The following MACROH2A2 variants were observed in gnomAD, a reference collection of about 807,000 sequenced individuals.
MACROH2A2 encodes core histone macro-H2A.2.
In MACROH2A2, 6 loss-of-function variants were observed where a neutral mutation model predicts 37.6. The observed-to-expected ratio is 0.16, with a 90% CI of 0.09 to 0.32. The LOEUF (loss-of-function observed/expected upper bound fraction) is 0.32, where lower values mean the gene tolerates loss of function less well. Ranked by LOEUF, MACROH2A2 falls within the 10% of genes least tolerant of loss-of-function variation. The pLI is 1.00. For synonymous variants in MACROH2A2, 192 were observed against 202.7 expected, an observed-to-expected ratio of 0.95 and a Z score of 0.45; for missense variants, 290 against 485.9, an observed-to-expected ratio of 0.60 and a Z score of 3.79.
intron 1 of MACROH2A2, among the ~76,000 whole-genome samples, chr10:70,068,379 T>G (rs540997165): frequency 1.3e-5 from 2 of 152,340 alleles, no homozygotes; most frequent in East Asian, 3.9e-4. Flanking sequence ...AACAACTTAA[T>G]AAGTATTCAT....
At chr10:70,082,241 G>A (rs551911953) in intron 2 of MACROH2A2, among the ~76,000 whole-genome samples, 2 of 152,200 alleles carry the variant, frequency 1.3e-5, no homozygotes, top group African/African-American at 2.4e-5. Flanking sequence ...CCAACATGGA[G>A]AAACCCCGTC....
chr10:70,053,504 C>T lies in MACROH2A2; in HGVS notation c.-60+504C>T, dbSNP rs2071989201. Among the ~76,000 whole-genome samples, 3 of 151,744 alleles carry T rather than the reference C, an allele frequency of 2.0e-5. No homozygotes were observed. The highest frequency in any genetic ancestry group is 4.8e-5 in the African/African-American group (2 of 41,428). On this transcript the variant is annotated intron_variant, in intron 1 of 8. Coordinates refer to ENST00000373255, the MANE Select transcript of MACROH2A2 (RefSeq NM_018649.3). This position sits in a 1 kb window ranked among gnomAD's most constrained non-coding sequence, Gnocchi z 4.8. ...TGAAGGTGCCCGGGCAGGGCGCCGG[C>T]GGCTCCAGGCTGACAATGGAGGGGG...
chr10:70,081,814 T>C (rs2072178295), intron 2 of MACROH2A2, among the ~76,000 whole-genome samples: 1 of 152,168 alleles, frequency 6.6e-6, no homozygotes, highest in Non-Finnish European at 1.5e-5. Flanking sequence ...AAAAATAATT[T>C]AATTGTACAT....
In MACROH2A2 at chr10:70,054,456, G is replaced by A. The variant is rs567461842; in HGVS notation, c.-60+1456G>A. Among the ~76,000 whole-genome samples the A allele has an allele frequency of 3.3e-5, 5 of 152,298 alleles. No individual in the cohort carries two copies. In the South Asian group the frequency reaches 8.3e-4, roughly 25 times the overall value. ...GCCCCACAGACCCCAGGATCCCCTA[G>A]GGGCCATTAGTCCACCGCGGCAAAT... On this transcript the variant is annotated intron_variant, in intron 1 of 8. Coordinates refer to ENST00000373255, the MANE Select transcript of MACROH2A2 (RefSeq NM_018649.3).
intron 1 of MACROH2A2, among the ~76,000 whole-genome samples, chr10:70,055,309 A>G (rs1226941557): frequency 2.0e-5 from 3 of 152,244 alleles, no homozygotes; most frequent in Non-Finnish European, 4.4e-5. Flanking sequence ...AGTTAGATGC[A>G]GTCTTGGTAA....
intron 2 of MACROH2A2, among the ~76,000 whole-genome samples, chr10:70,080,561 C>T (rs2072170129): frequency 6.6e-6 from 1 of 151,976 alleles, no homozygotes; most frequent in South Asian, 2.1e-4. Flanking sequence ...GATGGTGAGA[C>T]CTCGTCTCTA....
chr10:70,111,800 C>A lies in MACROH2A2; in HGVS notation c.*117C>A. Reference sequence around the variant, plus strand: ...GGGAGTGGAGGGTGGCCGGGCAGGTCCTGCCGGCGCAGGGAGCCCTCTGCC... The same window carrying A: ...GGGAGTGGAGGGTGGCCGGGCAGGTACTGCCGGCGCAGGGAGCCCTCTGCC... On this transcript the variant is annotated 3_prime_UTR_variant, in exon 9 of 9. Transcript: ENST00000373255. The A allele has an allele frequency of 2.4e-6, 2 of 827,234 alleles. No homozygotes were observed. Among genetic ancestry groups the A allele is most frequent in the Non-Finnish European group, 3.5e-6 (2 of 571,092 alleles). 51.2% of individuals were successfully genotyped at this position (827,234 alleles called of 1,614,324 possible).
chr10:70,110,493 A>T (rs999560369), intron 8 of MACROH2A2, among the ~76,000 whole-genome samples: 2 of 152,232 alleles, frequency 1.3e-5, no homozygotes, highest in Non-Finnish European at 2.9e-5. Flanking sequence ...GGAGGGAGCT[A>T]ATAAAACTTC....
chr10:70,094,704 C>T (rs2136637347), intron 5 of MACROH2A2, among the ~76,000 whole-genome samples: 1 of 152,332 alleles, frequency 6.6e-6, no homozygotes, highest in African/African-American at 2.4e-5. Flanking sequence ...CTTTCTCTCA[C>T]TTAGCTAAGG....
At chr10:70,095,241 G>A (rs1415038393) in intron 5 of MACROH2A2, among the ~76,000 whole-genome samples, 6 of 152,052 alleles carry the variant, frequency 3.9e-5, no homozygotes, top group African/African-American at 9.7e-5. Flanking sequence ...GGTGGCGGGC[G>A]CCTGTAGTCC....
At chr10:70,087,682 C>G (rs1023649607) in intron 2 of MACROH2A2, among the ~76,000 whole-genome samples, 3 of 152,148 alleles carry the variant, frequency 2.0e-5, no homozygotes, top group African/African-American at 7.2e-5. Flanking sequence ...TTTCAAATAC[C>G]CTATCCCACT....
rs570612283 is a variant in MACROH2A2, at chr10:70,107,463, T to G, written c.779-1570T>G. On this transcript the variant is annotated intron_variant, in intron 7 of 8. Coordinates refer to ENST00000373255, the MANE Select transcript of MACROH2A2 (RefSeq NM_018649.3). This position sits in a 1 kb window ranked among gnomAD's most constrained non-coding sequence, Gnocchi z 4.4. ...CTTGCTACGCCGATTCCTGGGTTCC[T>G]GGAGGGGCACAGGGCGCAGACGGGC... 1.8e-4 allele frequency among the ~76,000 whole-genome samples: 28 copies of G among 152,278 alleles called. No homozygotes were observed. Among genetic ancestry groups the G allele is most frequent in the African/African-American group, 6.5e-4 (27 of 41,558 alleles).
At chr10:70,102,033 A>G (rs945728253) in intron 7 of MACROH2A2, among the ~76,000 whole-genome samples, 3 of 152,166 alleles carry the variant, frequency 2.0e-5, no homozygotes, top group African/African-American at 7.2e-5. Flanking sequence ...TCCCACCCAC[A>G]TGACTCCCAA....
At chr10:70,097,038 A>G (rs2072280395) in intron 6 of MACROH2A2, among the ~76,000 whole-genome samples, 1 of 152,224 alleles carries the variant, frequency 6.6e-6, no homozygotes, top group African/African-American at 2.4e-5. Flanking sequence ...TTATGTAAGA[A>G]AAATAATATG....
intron 1 of MACROH2A2, among the ~76,000 whole-genome samples, chr10:70,057,546 CT>C (rs2072025202): frequency 6.6e-6 from 1 of 152,178 alleles, no homozygotes; most frequent in African/African-American, 2.4e-5. Flanking sequence ...AAACTATTTG[CT>C]GTCATGAGGG....
At position 70,053,457 on chromosome 10, in the gene MACROH2A2, G is replaced by A. The variant is rs566017560; in HGVS notation, c.-60+457G>A. ...GCTGCGCAGGGCCCGAGGGAGCCCGGGGAGGGCCGCTCGGGGGCCTCTGAA... is the reference window on the plus strand; with the variant it reads ...GCTGCGCAGGGCCCGAGGGAGCCCGAGGAGGGCCGCTCGGGGGCCTCTGAA... On this transcript the variant is annotated intron_variant, in intron 1 of 8. Transcript: ENST00000373255. This position sits in a 1 kb window ranked among gnomAD's most constrained non-coding sequence, Gnocchi z 4.8. Among the ~76,000 whole-genome samples, 1,170 of 151,686 alleles carry A rather than the reference G, an allele frequency of 7.7e-3. 16 individuals carry two copies. Among genetic ancestry groups the A allele is most frequent in the African/African-American group, 0.026 (1,076 of 41,156 alleles).
chr10:70,074,557 C>A (rs1479589699), intron 1 of MACROH2A2, among the ~76,000 whole-genome samples: 1 of 152,188 alleles, frequency 6.6e-6, no homozygotes, highest in Non-Finnish European at 1.5e-5. Flanking sequence ...ACCCAAATCT[C>A]ATCTTGAATT....
Position 70,091,938 on chromosome 10 carries a change from C to T in MACROH2A2, c.461C>T (p.Pro154Leu). 1 of 1,613,476 alleles carries T rather than the reference C, an allele frequency of 6.2e-7. No homozygotes were observed. Among genetic ancestry groups the T allele is most frequent in the Non-Finnish European group, 8.5e-7 (1 of 1,179,914 alleles). Residue 154 changes from proline to leucine, a missense_variant, in exon 4 of 9, where the codon CCA becomes CTA. Around this residue, in one of 3 missense-constraint regions of MACROH2A2, gnomAD observed 77 missense variants for 68.9 expected, o/e 1.12. Coordinates refer to ENST00000373255, the MANE Select transcript of MACROH2A2 (RefSeq NM_018649.3). ...KGGKKSKAAK[P>L]RTSKKSKPKD... ...GGGAAGAAATCCAAGGCTGCCAAACCACGGACGTCCAAAAAGGTAGGCCGA... is the reference window on the plus strand; with the variant it reads ...GGGAAGAAATCCAAGGCTGCCAAACTACGGACGTCCAAAAAGGTAGGCCGA...
intron 6 of MACROH2A2, among the ~76,000 whole-genome samples, chr10:70,097,589 G>A (rs2072283093): frequency 6.6e-6 from 1 of 152,128 alleles, no homozygotes; most frequent in Non-Finnish European, 1.5e-5. Flanking sequence ...TATGCAATCA[G>A]ATGCAATAAT....
Sources: gnomAD v4.1 joint callset for allele counts (sites outside exome capture counted in the v4.1 genomes callset) on GRCh38, gnomAD v4.1.1 for gene constraint, gnomAD v4.1.1 regional missense constraint, Gnocchi (gnomAD v3.1) non-coding constraint, MANE v1.5 for transcripts, NCBI Gene and HGNC (gene_info 2026-07-23, HGNC 2026-07-21) for gene names.